AUTS2: variants seen among roughly 807,000 people sequenced by gnomAD.
The protein encoded by AUTS2 is activator of transcription and developmental regulator AUTS2.
AUTS2 carries 17 observed loss-of-function variants against 112.4 expected under a neutral mutation model. The observed-to-expected ratio is 0.15, with a 90% CI of 0.10 to 0.23. The LOEUF (loss-of-function observed/expected upper bound fraction) is 0.23, where lower values mean the gene tolerates loss of function less well. Ranked by LOEUF, AUTS2 falls within the 10% of genes least tolerant of loss-of-function variation. The pLI is 1.00. For synonymous variants in AUTS2, 751 were observed against 702.7 expected, an observed-to-expected ratio of 1.07 and a Z score of -1.09; for missense variants, 1,510 against 1,701.6, an observed-to-expected ratio of 0.89 and a Z score of 1.98.
At chr7:70,262,324 G>T (rs1419530920) in intron 4 of AUTS2, among the ~76,000 whole-genome samples, 1 of 151,952 alleles carries the variant, frequency 6.6e-6, no homozygotes. Context: ...GGAGTAGCTG[G>T]GATTACAGGC....
In AUTS2 at chr7:70,766,009, A is replaced by T; in HGVS notation, c.1469-105A>T. The T allele has an allele frequency of 1.3e-6, 2 of 1,504,328 alleles. No homozygotes were observed. The highest frequency in any genetic ancestry group is 2.6e-5 in the South Asian group (2 of 76,438). 93.2% of individuals were successfully genotyped at this position (1,504,328 alleles called of 1,614,324 possible). On this transcript the variant is annotated intron_variant, in intron 8 of 18. Coordinates refer to ENST00000342771, the MANE Select transcript of AUTS2 (RefSeq NM_015570.4). The surrounding 1 kb of genome is among the most constrained non-coding windows in gnomAD (Gnocchi z 4.8). ...TCTCAGGGCCCAGCCACACCCTGTC[A>T]CCCCTGCCACTGTGTCACCAGCCCC...
chr7:70,686,483 T>C (rs1808479236), intron 5 of AUTS2, among the ~76,000 whole-genome samples: 1 of 152,050 alleles, frequency 6.6e-6, no homozygotes, highest in Non-Finnish European at 1.5e-5. Context: ...ACCAACTACC[T>C]CTTAGTTGTC....
At chr7:69,610,340 C>T (rs1332836939) in intron 1 of AUTS2, among the ~76,000 whole-genome samples, 1 of 152,208 alleles carries the variant, frequency 6.6e-6, no homozygotes, top group African/African-American at 2.4e-5. Context: ...AAAATGCAGG[C>T]CTACCTCTAC....
At chr7:70,573,215 A>G (rs1424876477) in intron 5 of AUTS2, among the ~76,000 whole-genome samples, 1 of 152,192 alleles carries the variant, frequency 6.6e-6, no homozygotes, top group African/African-American at 2.4e-5. Context: ...CTTTGAAGGA[A>G]AATTAAACAA....
rs149085186 is a variant in AUTS2 at position 70,686,280 on chromosome 7, C to T, written c.691-12289C>T. Reference sequence around the variant, plus strand: ...GTTGCTGTTCCAAGTGCTTTACATACATGAATTCATTTAACCCTAACAACA... The same window carrying T: ...GTTGCTGTTCCAAGTGCTTTACATATATGAATTCATTTAACCCTAACAACA... On this transcript the variant is annotated intron_variant, in intron 5 of 18. Transcript: ENST00000342771. Among the ~76,000 whole-genome samples the T allele has an allele frequency of 5.4e-3, 816 of 152,306 alleles. 10 individuals carry two copies. The highest frequency in any genetic ancestry group is 0.019 in the African/African-American group (773 of 41,566).
intron 7 of AUTS2, 92 bp from the exon 8 acceptor site, chr7:70,764,660 G>C: frequency 1.5e-6 from 1 of 672,304 alleles, no homozygotes; most frequent in Non-Finnish European, 2.7e-6. Context: ...CTGTGGTGAG[G>C]GTTTAGGGGA....
chr7:70,578,714 A>C (rs997221178), intron 5 of AUTS2, among the ~76,000 whole-genome samples: 7 of 152,050 alleles, frequency 4.6e-5, no homozygotes, highest in African/African-American at 1.7e-4. Flanking sequence ...GACCTACCCA[A>C]ATTTTTCTTG....
chr7:70,081,967 C>CGCGCGT (rs1803344879), intron 2 of AUTS2, among the ~76,000 whole-genome samples: 4 of 131,088 alleles, frequency 3.1e-5, no homozygotes, highest in Non-Finnish European at 6.6e-5. Context: ...TGTGTGTGTG[C>CGCGCGT]GCGCGCCTGT....
At chr7:70,776,879 T>C in intron 13 of AUTS2, 1 of 576,424 alleles carries the variant, frequency 1.7e-6, no homozygotes, top group East Asian at 3.1e-5. Flanking sequence ...CAATGTGGTT[T>C]TCTGAGTAGC....
rs78009627 is a variant in AUTS2 at position 69,769,501 on chromosome 7, G to T, written c.310-129785G>T. Among the ~76,000 whole-genome samples the T allele has an allele frequency of 2.9e-3, 444 of 152,276 alleles. 5 individuals carry two copies. Among genetic ancestry groups the T allele is most frequent in the African/African-American group, 0.01 (430 of 41,556 alleles). On this transcript the variant is annotated intron_variant, in intron 1 of 18. Coordinates refer to ENST00000342771, the MANE Select transcript of AUTS2 (RefSeq NM_015570.4). The stretch of plus-strand genomic sequence containing the variant: ...AGCTACAATCTTCCTGAAGTTAATG[G>T]TGATGGAAATGCACCATTCTGCATT...
chr7:70,124,804 G>A (rs559774059), intron 3 of AUTS2, among the ~76,000 whole-genome samples: 31 of 152,098 alleles, frequency 2.0e-4, no homozygotes, highest in African/African-American at 7.0e-4. Flanking sequence ...CTCGTGATCC[G>A]CCCGCCTTGG....
intron 3 of AUTS2, among the ~76,000 whole-genome samples, chr7:70,124,750 A>T (rs1805871248): frequency 6.6e-6 from 1 of 151,926 alleles, no homozygotes; most frequent in African/African-American, 2.4e-5. Context: ...TTTAGTAGAG[A>T]CGATGTTTTA....
At position 70,433,283 on chromosome 7, in the gene AUTS2, G is replaced by A. The variant is rs370874133; in HGVS notation, c.661-2469G>A. On this transcript the variant is annotated intron_variant, in intron 4 of 18. Coordinates refer to ENST00000342771, the MANE Select transcript of AUTS2 (RefSeq NM_015570.4). ...GTCCTCCCTGCACACCAGATCCTTG[G>A]GGAGGTGGGCAAATGCGATGCCACA... Among the ~76,000 whole-genome samples, 6 of 152,262 alleles carry A rather than the reference G, an allele frequency of 3.9e-5. No homozygotes were observed. In the East Asian group the frequency reaches 9.7e-4, roughly 25 times the overall value.
At chr7:70,710,337 C>G (rs779508983) in intron 6 of AUTS2, among the ~76,000 whole-genome samples, 1 of 152,096 alleles carries the variant, frequency 6.6e-6, no homozygotes, top group East Asian at 1.9e-4. Flanking sequence ...TTTACCACCA[C>G]GAATTGAAAT....
chr7:70,491,949 A>G (rs1052575391), intron 5 of AUTS2, among the ~76,000 whole-genome samples: 4 of 152,118 alleles, frequency 2.6e-5, no homozygotes, highest in African/African-American at 9.7e-5. Context: ...CACTCAGACC[A>G]GAACTTGACA....
At chr7:69,605,436 G>C (rs1346882219) in intron 1 of AUTS2, among the ~76,000 whole-genome samples, 2 of 152,154 alleles carry the variant, frequency 1.3e-5, no homozygotes, top group African/African-American at 2.4e-5. Context: ...ATTGGTGAGT[G>C]GTTCTCATTA....
chr7:70,669,047 T>C (rs1289666493), intron 5 of AUTS2, among the ~76,000 whole-genome samples: 1 of 152,248 alleles, frequency 6.6e-6, no homozygotes, highest in Non-Finnish European at 1.5e-5. Context: ...TTCTTTTCAT[T>C]GTCGTAATGA....
chr7:70,760,013 T>C (rs932547635), intron 6 of AUTS2, among the ~76,000 whole-genome samples: 3 of 152,112 alleles, frequency 2.0e-5, no homozygotes, highest in Admixed American at 6.5e-5. Flanking sequence ...AAAAGATTTT[T>C]TTTTTTTTTT....
At chr7:70,333,157 A>G (rs982101351) in intron 4 of AUTS2, among the ~76,000 whole-genome samples, 3 of 152,266 alleles carry the variant, frequency 2.0e-5, no homozygotes, top group African/African-American at 7.2e-5. Flanking sequence ...AAGGATCTGA[A>G]CAGACACTTC....
Sources: allele counts gnomAD v4.1 joint callset (sites outside exome capture counted in the v4.1 genomes callset), GRCh38; gene constraint gnomAD v4.1.1; non-coding constraint Gnocchi (gnomAD v3.1); transcripts MANE v1.5; gene names NCBI Gene and HGNC (gene_info 2026-07-23, HGNC 2026-07-21).